Variants in MAN1A2 observed in about 807,000 individuals in gnomAD.
MAN1A2 encodes the protein mannosyl-oligosaccharide 1,2-alpha-mannosidase IB.
In MAN1A2, 26 loss-of-function variants were observed where a neutral mutation model predicts 75.7. The ratio of observed to expected loss-of-function variants is 0.34; its 90% CI spans 0.25 to 0.48. MAN1A2 has a LOEUF of 0.48. MAN1A2 is among the 20% of genes least tolerant of loss of function. The pLI, the probability that MAN1A2 is intolerant of heterozygous loss-of-function variation, is 0.99. For synonymous variants in MAN1A2, 247 were observed against 264.6 expected (o/e 0.93, Z 0.65); for missense variants, 562 against 775.5 (o/e 0.72, Z 3.27).
rs761574921 is a variant in MAN1A2 at position 117,527,025 on chromosome 1, C to A, written c.*4068C>A. 6.6e-6 allele frequency: 1 copy of A among 151,138 alleles called. No homozygotes were observed. The highest frequency in any genetic ancestry group is 1.5e-5 in the Non-Finnish European group (1 of 67,650). 9.4% of individuals were successfully genotyped at this position (151,138 alleles called of 1,614,324 possible). A position where few individuals can be genotyped will look rare whatever the true frequency, so the allele number is the denominator to read the frequency against. Reference sequence around the variant, plus strand: ...AAACACAGTTGAAAACTGGTTTCGGCTGCACAAATAAGCAGAATATTTGAG... The same window carrying A: ...AAACACAGTTGAAAACTGGTTTCGGATGCACAAATAAGCAGAATATTTGAG... On this transcript the variant is annotated 3_prime_UTR_variant, in exon 13 of 13. Coordinates refer to ENST00000356554, the MANE Select transcript of MAN1A2 (RefSeq NM_006699.5).
rs116478682 is a variant in MAN1A2, at chr1:117,424,692, C to A, written c.855+4043C>A. ...TTGAGTCTGCAGTCTGCTGCATACC[C>A]CATCCTCCATCTGCCTCAGCCTTAC... On this transcript the variant is annotated intron_variant, in intron 5 of 12. Transcript: ENST00000356554. 3.8e-3 allele frequency among the ~76,000 whole-genome samples: 582 copies of A among 152,224 alleles called. 7 individuals carry two copies. Among genetic ancestry groups the A allele is most frequent in the African/African-American group, 0.013 (553 of 41,518 alleles).
intron 2 of MAN1A2, among the ~76,000 whole-genome samples, chr1:117,405,269 A>G (rs1448131441): frequency 1.1e-5 from 1 of 92,570 alleles, no homozygotes; most frequent in African/African-American, 3.8e-5. Flanking sequence ...GCTGTCCCCA[A>G]AAAGACTTAA....
intron 5 of MAN1A2, among the ~76,000 whole-genome samples, chr1:117,430,669 G>A (rs1237495554): frequency 1.3e-5 from 1 of 74,688 alleles, no homozygotes; most frequent in Non-Finnish European, 2.7e-5. Flanking sequence ...GGGAAGAGGC[G>A]CTCCTCACTT....
rs149471594 is a variant in MAN1A2, at chr1:117,476,965, C to T, written c.1168+10538C>T. 4.6e-3 allele frequency among the ~76,000 whole-genome samples: 707 copies of T among 152,088 alleles called. 7 individuals are homozygous for T. Among genetic ancestry groups the T allele is most frequent in the African/African-American group, 0.016 (668 of 41,502 alleles). ...ACTATGGGCAGTATGGACATTTTCA[C>T]GATATTGATTCTTCATATTCATAAG... On this transcript the variant is annotated intron_variant, in intron 8 of 12. Transcript: ENST00000356554.
chr1:117,449,116 G>A (rs891747608), intron 6 of MAN1A2, among the ~76,000 whole-genome samples: 2 of 151,958 alleles, frequency 1.3e-5, no homozygotes, highest in African/African-American at 2.4e-5. Context: ...CTGTTCTGAC[G>A]GCTCCACAGA....
In MAN1A2 at chr1:117,504,407, T is replaced by C. The variant is rs114141140; in HGVS notation, c.1793+1437T>C. On this transcript the variant is annotated intron_variant, in intron 12 of 12. Transcript: ENST00000356554. ...CTAGTTTTGCCACATTTCCTTCTCT[T>C]TCTTTCTGTGTACACTCACATATAC... Among the ~76,000 whole-genome samples, 1,110 of 151,286 alleles carry C rather than the reference T, an allele frequency of 7.3e-3. 17 individuals carry two copies. Among genetic ancestry groups the C allele is most frequent in the African/African-American group, 0.026 (1,062 of 41,416 alleles).
chr1:117,431,289 A>G (rs1418087004), intron 5 of MAN1A2, among the ~76,000 whole-genome samples: 1 of 149,950 alleles, frequency 6.7e-6, no homozygotes, highest in Non-Finnish European at 1.5e-5. Flanking sequence ...TAATCACAAC[A>G]TTAAAACATA....
In MAN1A2 at chr1:117,419,282, A is replaced by G. The variant is rs142392775; in HGVS notation, c.775-1287A>G. On this transcript the variant is annotated intron_variant, in intron 4 of 12. Coordinates refer to ENST00000356554, the MANE Select transcript of MAN1A2 (RefSeq NM_006699.5). ...ACTATAGTGTGCTGAATAGAGGGTA[A>G]GGAGGAGGGTAAGTATTAAAGCAGG... Among the ~76,000 whole-genome samples the G allele has an allele frequency of 3.9e-5, 6 of 152,142 alleles. No homozygotes were observed. The East Asian group carries it at 5.8e-4, about 15-fold the overall frequency.
chr1:117,383,860 A>G (rs1653435287), intron 1 of MAN1A2, among the ~76,000 whole-genome samples: 2 of 151,950 alleles, frequency 1.3e-5, no homozygotes. Flanking sequence ...GCCTTAAGTT[A>G]TCTTCCTGCC....
chr1:117,469,968 A>G (rs1478633454), intron 8 of MAN1A2, among the ~76,000 whole-genome samples: 2 of 152,146 alleles, frequency 1.3e-5, no homozygotes, highest in East Asian at 1.9e-4. Flanking sequence ...TCTCCTCTGT[A>G]TATACCCAGA....
At chr1:117,440,297 G>T (rs1557951644) in intron 5 of MAN1A2, among the ~76,000 whole-genome samples, 2 of 152,172 alleles carry the variant, frequency 1.3e-5, no homozygotes, top group Admixed American at 1.3e-4. Context: ...TATACCATGG[G>T]ACTGATTTGG....
intron 12 of MAN1A2, among the ~76,000 whole-genome samples, chr1:117,511,192 G>C (rs535931835): frequency 4.6e-5 from 7 of 152,078 alleles, no homozygotes; most frequent in Middle Eastern, 3.4e-3. Context: ...TCATTATCAG[G>C]AGAACAATAT....
intron 8 of MAN1A2, among the ~76,000 whole-genome samples, chr1:117,475,740 A>G (rs373341529): frequency 2.6e-5 from 4 of 152,284 alleles, no homozygotes; most frequent in East Asian, 3.9e-4. Context: ...TATATGTGCC[A>G]CATTTTCTTT....
chr1:117,388,458 C>T (rs1653613209), intron 1 of MAN1A2, among the ~76,000 whole-genome samples: 1 of 152,080 alleles, frequency 6.6e-6, no homozygotes, highest in Non-Finnish European at 1.5e-5. Context: ...GCAGGCTATA[C>T]AGGAAGTATG....
chr1:117,467,829 A>G (rs1455524378), intron 8 of MAN1A2, among the ~76,000 whole-genome samples: 3 of 152,090 alleles, frequency 2.0e-5, no homozygotes, highest in African/African-American at 7.2e-5. Context: ...AATAATGTAT[A>G]TGAAAAATTA....
chr1:117,477,322 G>A (rs1650345781), intron 8 of MAN1A2, among the ~76,000 whole-genome samples: 1 of 151,934 alleles, frequency 6.6e-6, no homozygotes, highest in South Asian at 2.1e-4. Context: ...AAACCTGGCA[G>A]AGACACAACA....
At chr1:117,368,722 C>G (rs1033707888) in intron 1 of MAN1A2, among the ~76,000 whole-genome samples, 1 of 151,980 alleles carries the variant, frequency 6.6e-6, no homozygotes, top group East Asian at 1.9e-4. Flanking sequence ...TTCTTCTCTT[C>G]GGTTTTATAT....
At chr1:117,403,522 T>C (rs191195051) in intron 2 of MAN1A2, among the ~76,000 whole-genome samples, 1 of 152,306 alleles carries the variant, frequency 6.6e-6, no homozygotes, top group Non-Finnish European at 1.5e-5. Flanking sequence ...TAGATAACCA[T>C]GTGTGTTCAG....
At position 117,499,424 on chromosome 1, in the gene MAN1A2, T is replaced by A. The variant is rs200269630; in HGVS notation, c.1547T>A (p.Val516Glu). Residue 516 changes from valine to glutamate, a missense_variant, in exon 11 of 13, where the codon GTG (valine) becomes GAG (glutamate). Physicochemically the swap from Val to Glu is moderately radical, Grantham distance 121. Coordinates refer to ENST00000356554, the MANE Select transcript of MAN1A2 (RefSeq NM_006699.5). Reference sequence around the variant, plus strand: ...GAATCATTCAAGTTTGATGGTGCAGTGGAGGCTGTGGCTGTCCGGCAGGCT... The same window carrying A: ...GAATCATTCAAGTTTGATGGTGCAGAGGAGGCTGTGGCTGTCCGGCAGGCT... Reference protein sequence around the residue: ...GPESFKFDGAVEAVAVRQAEK... With the variant: ...GPESFKFDGAEEAVAVRQAEK... 1.3e-4 allele frequency: 209 copies of A among 1,603,968 alleles called. No homozygotes were observed. Among genetic ancestry groups the A allele is most frequent in the South Asian group, 6.2e-4 (56 of 89,672 alleles).
Sources: gnomAD v4.1 joint callset for allele counts (sites outside exome capture counted in the v4.1 genomes callset) on GRCh38, gnomAD v4.1.1 for gene constraint, MANE v1.5 for transcripts, NCBI Gene and HGNC (gene_info 2026-07-23, HGNC 2026-07-21) for gene names.